Variants in WWOX observed in about 807,000 individuals in gnomAD.
The protein encoded by WWOX is WW domain containing oxidoreductase.
WWOX carries 69 observed loss-of-function variants against 46.2 expected under a neutral mutation model. That is an observed-to-expected ratio of 1.49 (90% CI 1.23 to 1.82). The LOEUF is 1.82. WWOX is among the 40% of genes most tolerant of loss of function. The probability of loss-of-function intolerance (pLI) is 0.00; values close to 1 mark genes in which losing one functional copy is unlikely to be tolerated. For synonymous variants in WWOX, 359 were observed against 202.6 expected, an observed-to-expected ratio of 1.77 and a Z score of -6.56; for missense variants, 919 against 542.6, an observed-to-expected ratio of 1.69 and a Z score of -6.89.
intron 8 of WWOX, among the ~76,000 whole-genome samples, chr16:78,801,120 C>G (rs1256313317): frequency 2.0e-5 from 3 of 151,324 alleles, no homozygotes; most frequent in Admixed American, 6.6e-5. Context: ...GTGGTGCAAT[C>G]TTGGCTCACT....
In WWOX at chr16:78,734,841, C is replaced by CTTTTTTT. The variant is rs60560119; in HGVS notation, c.1056+302125_1056+302131dup. ...GATGACTCAGGTGGGGACTTCAGTC[C>CTTTTTTT]TTTTTTTTTTTTTTTTTTTTTTTTT... On this transcript the variant is annotated intron_variant, in intron 8 of 8. Coordinates refer to ENST00000566780, the MANE Select transcript of WWOX (RefSeq NM_016373.4). Among the ~76,000 whole-genome samples, 201 of 40,126 alleles carry CTTTTTTT rather than the reference C, an allele frequency of 5.0e-3. 55 individuals carry two copies. Among genetic ancestry groups the CTTTTTTT allele is most frequent in the Non-Finnish European group, 7.4e-3 (158 of 21,328 alleles). 26.3% of individuals were successfully genotyped at this position (40,126 alleles called of 152,430 possible). A position where few individuals can be genotyped will look rare whatever the true frequency, so the allele number is the denominator to read the frequency against.
At chr16:79,022,162 C>A in intron 8 of WWOX, among the ~76,000 whole-genome samples, 1 of 152,220 alleles carries the variant, frequency 6.6e-6, no homozygotes. Flanking sequence ...TTTGCTTTTG[C>A]TGGTGAAGGA....
At chr16:78,267,342 A>G (rs574803236) in intron 5 of WWOX, among the ~76,000 whole-genome samples, 3 of 152,316 alleles carry the variant, frequency 2.0e-5, no homozygotes, top group South Asian at 2.1e-4. Context: ...TATTAATTGC[A>G]TGTTTTCTTG....
chr16:78,321,260 A>AGGTTC (rs2080460855), intron 5 of WWOX, among the ~76,000 whole-genome samples: 1 of 146,804 alleles, frequency 6.8e-6, no homozygotes, highest in South Asian at 2.2e-4. Context: ...GGCAACACGT[A>AGGTTC]GGTTCTTAGT....
At chr16:79,039,717 A>G (rs562215688) in intron 8 of WWOX, among the ~76,000 whole-genome samples, 24 of 152,304 alleles carry the variant, frequency 1.6e-4, no homozygotes, top group Non-Finnish European at 2.9e-4. Context: ...GTGATGCTAG[A>G]TGGAAGCAGG....
At chr16:79,108,751 ATTAG>A (rs954016023) in intron 8 of WWOX, among the ~76,000 whole-genome samples, 1 of 151,970 alleles carries the variant, frequency 6.6e-6, no homozygotes, top group Non-Finnish European at 1.5e-5. Flanking sequence ...AAAATAAAAA[ATTAG>A]TTAGGTGTAG....
At chr16:79,190,950 C>G (rs1428540043) in intron 8 of WWOX, among the ~76,000 whole-genome samples, 1 of 152,196 alleles carries the variant, frequency 6.6e-6, no homozygotes, top group African/African-American at 2.4e-5. Flanking sequence ...CTAAATCTCT[C>G]ATTTGTCTAC....
chr16:78,331,118 C>G (rs759061303), intron 5 of WWOX, among the ~76,000 whole-genome samples: 1 of 151,960 alleles, frequency 6.6e-6, no homozygotes, highest in East Asian at 1.9e-4. Context: ...TTTTTAACAC[C>G]TACGGTCCCT....
intron 8 of WWOX, among the ~76,000 whole-genome samples, chr16:79,127,139 G>A (rs1597397736): frequency 1.3e-5 from 2 of 151,838 alleles, no homozygotes; most frequent in Non-Finnish European, 2.9e-5. Flanking sequence ...AAAACAAGGT[G>A]TATATGTATA....
At chr16:78,185,899 C>G (rs75974775) in intron 5 of WWOX, among the ~76,000 whole-genome samples, 15,676 of 152,128 alleles carry the variant, frequency 0.1, 1,091 homozygotes, top group South Asian at 0.28. Context: ...CTCTTGACCT[C>G]AAGTGATCCA....
chr16:78,637,439 C>T (rs942101716), intron 8 of WWOX, among the ~76,000 whole-genome samples: 3 of 128,326 alleles, frequency 2.3e-5, no homozygotes, highest in Non-Finnish European at 4.9e-5. Context: ...GAAACTCTGT[C>T]TCAAAAAAAA....
At chr16:79,138,339 G>C (rs946760740) in intron 8 of WWOX, among the ~76,000 whole-genome samples, 1 of 152,098 alleles carries the variant, frequency 6.6e-6, no homozygotes, top group African/African-American at 2.4e-5. Context: ...CTCAACTTGG[G>C]AGTCCCTTAG....
intron 5 of WWOX, among the ~76,000 whole-genome samples, chr16:78,312,764 C>A (rs1193799705): frequency 6.6e-6 from 1 of 152,176 alleles, no homozygotes; most frequent in Non-Finnish European, 1.5e-5. Context: ...GCTTTATGGA[C>A]AATGTGCTTA....
chr16:79,036,866 C>G (rs1021935745), intron 8 of WWOX, among the ~76,000 whole-genome samples: 1 of 152,112 alleles, frequency 6.6e-6, no homozygotes, highest in Non-Finnish European at 1.5e-5. Flanking sequence ...AAGAGAGGAT[C>G]AGATTCAGTG....
chr16:78,764,559 C>T (rs1003462049), intron 8 of WWOX, among the ~76,000 whole-genome samples: 3 of 139,676 alleles, frequency 2.1e-5, no homozygotes, highest in Admixed American at 1.6e-4. Flanking sequence ...TCTCCTTTGG[C>T]CTTCATCTGT....
intron 8 of WWOX, among the ~76,000 whole-genome samples, chr16:78,698,079 ATTG>A (rs1408202385): frequency 2.0e-5 from 3 of 152,224 alleles, no homozygotes; most frequent in Non-Finnish European, 4.4e-5. Flanking sequence ...AAGTGGTATT[ATTG>A]TTGTCATCAT....
At chr16:78,422,228 A>G (rs1032221035) in intron 6 of WWOX, among the ~76,000 whole-genome samples, 1 of 152,136 alleles carries the variant, frequency 6.6e-6, no homozygotes, top group South Asian at 2.1e-4. Flanking sequence ...TATATTCGTC[A>G]CTTTTGTTCC....
chr16:78,103,789 G>A (rs575848795), intron 1 of WWOX, among the ~76,000 whole-genome samples: 42 of 152,158 alleles, frequency 2.8e-4, no homozygotes, highest in Non-Finnish European at 5.6e-4. Flanking sequence ...CAGGGCCATG[G>A]CCAGGGATAG....
intron 8 of WWOX, among the ~76,000 whole-genome samples, chr16:78,590,570 C>T (rs1483115256): frequency 1.3e-5 from 2 of 152,178 alleles, no homozygotes; most frequent in African/African-American, 4.8e-5. Flanking sequence ...TACTTGTTAA[C>T]ACTAGGTGTT....
Sources: gnomAD v4.1 joint callset for allele counts (sites outside exome capture counted in the v4.1 genomes callset) on GRCh38, gnomAD v4.1.1 for gene constraint, MANE v1.5 for transcripts, NCBI Gene and HGNC (gene_info 2026-07-23, HGNC 2026-07-21) for gene names.